The following MTMR3 variants were observed in gnomAD, a reference collection of about 807,000 sequenced individuals.
The protein encoded by MTMR3 is myotubularin related protein 3.
MTMR3 carries 32 observed loss-of-function variants against 132.4 expected under a neutral mutation model. That is an observed-to-expected ratio of 0.24 (90% confidence interval 0.18 to 0.32). The LOEUF (loss-of-function observed/expected upper bound fraction) is 0.32. Ranked by LOEUF, MTMR3 falls within the 10% of genes least tolerant of loss-of-function variation. MTMR3 has a pLI of 1.00. For synonymous variants in MTMR3, 556 were observed against 550.3 expected (o/e 1.01, Z -0.14); for missense variants, 1,216 against 1,489.6 (o/e 0.82, Z 3.02).
chr22:29,992,959 A>C (rs889925675), intron 7 of MTMR3: 37 of 152,338 alleles, frequency 2.4e-4, no homozygotes, highest in African/African-American at 8.7e-4. Context: ...AAAGAAATGG[A>C]GGCTCAGAGG....
At chr22:29,883,427 CG>C (rs1244276187) in intron 1 of MTMR3, 68 bp downstream of exon 1, 1 of 153,656 alleles carries the variant, frequency 6.5e-6, no homozygotes, top group Non-Finnish European at 1.4e-5. Context: ...GGGCCGGCCT[CG>C]GCCCCGGCCC....
intron 6 of MTMR3, chr22:29,989,612 C>T (rs1420814137): frequency 2.0e-5 from 3 of 152,126 alleles, no homozygotes; most frequent in Non-Finnish European, 4.4e-5. Context: ...TGGAATACTT[C>T]TCATGTTGTG....
At chr22:29,893,623 A>C (rs2145709598) in intron 1 of MTMR3, among the ~76,000 whole-genome samples, 1 of 152,220 alleles carries the variant, frequency 6.6e-6, no homozygotes, top group Admixed American at 6.5e-5. Context: ...CTAGTATGCT[A>C]CTTCCCGCTT....
rs578111407 is a variant in MTMR3 at position 29,978,293 on chromosome 22, T to G, written c.4-149T>G. 25 of 528,464 alleles carry G rather than the reference T, an allele frequency of 4.7e-5. No homozygotes were observed. In the South Asian group the frequency reaches 7.8e-4, roughly 16 times the overall value. 32.7% of individuals were successfully genotyped at this position (528,464 alleles called of 1,614,324 possible). A position where few individuals can be genotyped will look rare whatever the true frequency, so the allele number is the denominator to read the frequency against. ...CTAATGTATTGGATAGAAAAACTTT[T>G]TAAGATCAATATTGTTTCCTTGAGC... On this transcript the variant is annotated intron_variant, in intron 3 of 19. Coordinates refer to ENST00000401950, the MANE Select transcript of MTMR3 (RefSeq NM_021090.4).
intron 5 of MTMR3, chr22:29,981,818 CA>C (rs34291296): frequency 2.2e-4 from 24 of 106,816 alleles, no homozygotes; most frequent in African/African-American, 2.4e-4. Flanking sequence ...GAGACTCTGT[CA>C]AAAAAAAAAA....
Position 29,988,505 on chromosome 22 carries a change from T to C in MTMR3, c.236T>C (p.Val79Ala). The C allele has an allele frequency of 6.2e-7, 1 of 1,612,858 alleles. No individual in the cohort carries two copies. The highest frequency in any genetic ancestry group is 8.5e-7 in the Non-Finnish European group (1 of 1,179,248). ...VNVPLQLIES[V>A]ECRDIFQLHL... The stretch of plus-strand genomic sequence containing the variant: ...GTTCCATTACAGCTTATAGAAAGTG[T>C]TGAATGCCGAGATATATTTCAGCTT... The change falls in exon 6 of 20, where the codon GTT (valine) becomes GCT (alanine). Residue 79 changes from valine to alanine, a missense_variant. By Grantham distance (64) the Val-to-Ala change is moderately conservative (BLOSUM62 0). Around this residue, in one of 7 missense-constraint regions of MTMR3, gnomAD observed 129 missense variants for 245.7 expected, o/e 0.53. Transcript: ENST00000401950.
chr22:29,916,450 A>G (rs1354475759), intron 1 of MTMR3, among the ~76,000 whole-genome samples: 1 of 152,142 alleles, frequency 6.6e-6, no homozygotes, highest in Non-Finnish European at 1.5e-5. Flanking sequence ...CACCCTCCCT[A>G]GATTCTCAGT....
At chr22:29,978,883 CTT>C (rs372775454) in intron 4 of MTMR3, 51 bp from the exon 5 acceptor site, 1,266 of 1,096,026 alleles carry the variant, frequency 1.2e-3, no homozygotes, top group Non-Finnish European at 1.3e-3. Context: ...ATGTTTGAAG[CTT>C]TTTTTTTTTT....
intron 3 of MTMR3, among the ~76,000 whole-genome samples, chr22:29,976,669 A>G (rs2066635441): frequency 6.6e-6 from 1 of 152,184 alleles, no homozygotes; most frequent in African/African-American, 2.4e-5. Flanking sequence ...CACTATTAGT[A>G]TAGATGTCAA....
intron 1 of MTMR3, among the ~76,000 whole-genome samples, chr22:29,930,990 G>A (rs2065631399): frequency 6.8e-6 from 1 of 146,388 alleles, no homozygotes; most frequent in Non-Finnish European, 1.5e-5. Flanking sequence ...CTGGGCATCA[G>A]AGTGTGAGAC....
chr22:30,022,981 T>C (rs2067803636), intron 19 of MTMR3: 2 of 469,384 alleles, frequency 4.3e-6, no homozygotes, highest in South Asian at 5.4e-5. Flanking sequence ...CCATTTCTTA[T>C]TCTCAGCATA....
intron 2 of MTMR3, among the ~76,000 whole-genome samples, chr22:29,969,834 T>G (rs1461899857): frequency 1.3e-5 from 2 of 152,182 alleles, no homozygotes; most frequent in Non-Finnish European, 2.9e-5. Flanking sequence ...CCGGCCAAAA[T>G]GATTCTTTAG....
In MTMR3 at chr22:29,978,478, G is replaced by A; in HGVS notation, c.40G>A (p.Ala14Thr). Residue 14 changes from alanine to threonine, a missense_variant, in exon 4 of 20, where the codon GCC becomes ACC. Transcript: ENST00000401950. ...TCGGCACAGCCTTGAGTGCATCCAG[G>A]CCAATCAGATCTTTCCCAGGAAGCA... Reference protein sequence around the residue: ...ETRHSLECIQANQIFPRKQLI... With the variant: ...ETRHSLECIQTNQIFPRKQLI... 1.2e-6 allele frequency: 2 copies of A among 1,613,852 alleles called. No individual in the cohort carries two copies. The highest frequency in any genetic ancestry group is 1.7e-6 in the Non-Finnish European group (2 of 1,179,804).
intron 1 of MTMR3, among the ~76,000 whole-genome samples, chr22:29,891,203 A>AT (rs2064791535): frequency 6.6e-6 from 1 of 152,006 alleles, no homozygotes; most frequent in African/African-American, 2.4e-5. Context: ...TGGACTTTAT[A>AT]AAATACGAAC....
At chr22:29,922,631 G>C (rs2065439116) in intron 1 of MTMR3, among the ~76,000 whole-genome samples, 1 of 152,124 alleles carries the variant, frequency 6.6e-6, no homozygotes, top group African/African-American at 2.4e-5. Context: ...GTGTATATCT[G>C]TATATCAAGT....
At chr22:29,894,503 CGTGTGTGTGTGT>C (rs144670905) in intron 1 of MTMR3, among the ~76,000 whole-genome samples, 5 of 147,286 alleles carry the variant, frequency 3.4e-5, no homozygotes, top group Non-Finnish European at 7.5e-5. Flanking sequence ...GTTCTGTATC[CGTGTGTGTGTGT>C]GTGTGTGTGT....
chr22:29,998,274 T>C (rs557254893), intron 7 of MTMR3: 21 of 152,510 alleles, frequency 1.4e-4, no homozygotes, highest in African/African-American at 4.6e-4. Flanking sequence ...CTTTATAATC[T>C]TAACCTGACA....
rs1409532168 is a variant in MTMR3, at chr22:30,019,482, T to C, written c.1823T>C (p.Leu608Pro). The change falls in exon 17 of 20, where the codon CTA becomes CCA. Residue 608 changes from leucine to proline, a missense_variant and splice_region_variant. By Grantham distance (98) the Leu-to-Pro change is moderately conservative. Around this residue, in one of 7 missense-constraint regions of MTMR3, gnomAD observed 852 missense variants for 852.0 expected, o/e 1.00. Transcript: ENST00000401950. ...TCCCCCAAATTCCTTTCCTTTAGGC[T>C]ACCAAAGACTAGATCATACGACAAT... ...TSPDDPPLSR[L>P]PKTRSYDNLT... is the part of the protein sequence containing the mutation. 2 of 1,594,576 alleles carry C rather than the reference T, an allele frequency of 1.3e-6. No individual in the cohort carries two copies. The highest frequency in any genetic ancestry group is 1.7e-6 in the Non-Finnish European group (2 of 1,173,088).
At chr22:29,982,654 CAT>C (rs1225760572) in intron 5 of MTMR3, 2 of 151,914 alleles carry the variant, frequency 1.3e-5, no homozygotes, top group Non-Finnish European at 2.9e-5. Context: ...TACCTGATAT[CAT>C]ATATTCTCTT....
Sources: gnomAD v4.1 joint callset for allele counts (sites outside exome capture counted in the v4.1 genomes callset) on GRCh38, gnomAD v4.1.1 for gene constraint, gnomAD v4.1.1 regional missense constraint, MANE v1.5 for transcripts, NCBI Gene and HGNC (gene_info 2026-07-23, HGNC 2026-07-21) for gene names.